PRKDC: variants seen among roughly 807,000 people sequenced by gnomAD.
PRKDC encodes protein kinase, DNA-activated, catalytic subunit.
A neutral mutation model predicts 486.9 loss-of-function variants in PRKDC; 82 were observed. The ratio of observed to expected loss-of-function variants is 0.17; its 90% CI spans 0.14 to 0.20. The LOEUF (loss-of-function observed/expected upper bound fraction) is 0.20. Among genes scored for constraint, PRKDC ranks in the 10% least tolerant of loss-of-function variants. The pLI is 1.00. For synonymous variants in PRKDC, 1,895 were observed against 1,837.0 expected (o/e 1.03, Z -0.81); for missense variants, 4,504 against 5,038.2 (o/e 0.89, Z 3.21).
rs368261679 is a variant in PRKDC, at chr8:47,888,632, G to A, written c.4299C>T (p.Ala1433=). ...GCGCGTCAGGGCCATACAAGTTGAC[G>A]GCACAAAGCTCCTCAATGCTGGCCA... The part of the protein sequence containing the change: ...ITAQSIEELC[A]VNLYGPDAQV... The change falls in exon 34 of 86, where the codon GCC becomes GCT. Residue 1433 remains alanine (A), a synonymous_variant. Transcript: ENST00000314191. 90 of 1,589,664 alleles carry A rather than the reference G, an allele frequency of 5.7e-5. No homozygotes were observed. Among genetic ancestry groups the A allele is most frequent in the Non-Finnish European group, 6.8e-5 (80 of 1,168,730 alleles).
At chr8:47,820,357 A>T (rs1157159239) in intron 66 of PRKDC, among the ~76,000 whole-genome samples, 1 of 152,188 alleles carries the variant, frequency 6.6e-6, no homozygotes, top group Non-Finnish European at 1.5e-5. Context: ...TGTCTAGGCG[A>T]CAAAAGAGAA....
chr8:47,776,748 G>A, intron 85 of PRKDC, 96 bp downstream of exon 85: 1 of 1,439,548 alleles, frequency 6.9e-7, no homozygotes, highest in Non-Finnish European at 9.5e-7. Context: ...TGCTAACAGA[G>A]TGTCAAGAGC....
intron 57 of PRKDC, 30 bp from the exon 58 acceptor site, chr8:47,836,557 A>C (rs55657802): frequency 6.5e-7 from 1 of 1,531,098 alleles, no homozygotes; most frequent in African/African-American, 1.4e-5. Context: ...AAATGAAATA[A>C]AGTTTCAAAT....
At chr8:47,839,001 CT>C in intron 56 of PRKDC, 146 bp downstream of exon 56, 1 of 640,198 alleles carries the variant, frequency 1.6e-6, no homozygotes, top group Non-Finnish European at 2.7e-6. Context: ...CTTTAAAATA[CT>C]CTTTTACTAA....
rs550257145 is a variant in PRKDC at position 47,808,539 on chromosome 8, A to T, written c.9558-1213T>A. Among the ~76,000 whole-genome samples, 202 of 152,108 alleles carry T rather than the reference A, an allele frequency of 1.3e-3. 2 individuals are homozygous for T. Among genetic ancestry groups the T allele is most frequent in the African/African-American group, 4.6e-3 (192 of 41,510 alleles). Reference sequence around the variant, plus strand: ...AGTGCAGTAGTTATTCACAGATGTAATCATAGCACACTACAGCCTTGAATT... The same window carrying T: ...AGTGCAGTAGTTATTCACAGATGTATTCATAGCACACTACAGCCTTGAATT... On this transcript the variant is annotated intron_variant, in intron 68 of 85. Coordinates refer to ENST00000314191, the MANE Select transcript of PRKDC (RefSeq NM_006904.7).
At chr8:47,841,597 G>C (rs1055417115) in intron 54 of PRKDC, among the ~76,000 whole-genome samples, 6 of 152,226 alleles carry the variant, frequency 3.9e-5, no homozygotes, top group African/African-American at 1.4e-4. Context: ...CAGGGTCTAA[G>C]CACATCGTTC....
chr8:47,880,780 G>A (rs2089196565), intron 38 of PRKDC, among the ~76,000 whole-genome samples: 2 of 152,140 alleles, frequency 1.3e-5, no homozygotes, highest in African/African-American at 4.8e-5. Context: ...TAGGCCGGGT[G>A]TGGTGGCTCA....
intron 60 of PRKDC, 99 bp downstream of exon 60, chr8:47,831,715 G>A: frequency 7.8e-7 from 1 of 1,289,938 alleles, no homozygotes; most frequent in Non-Finnish European, 1.1e-6. Flanking sequence ...GTTTGCAGGT[G>A]ACATTGGAGG....
At position 47,837,223 on chromosome 8, in the gene PRKDC, A is replaced by G. The variant is rs746648336; in HGVS notation, c.7750T>C (p.Cys2584Arg). Residue 2584 changes from cysteine (C) to arginine (R), a missense_variant, in exon 57 of 86, where the codon TGC (cysteine) becomes CGC (arginine). Around this residue, in one of 6 missense-constraint regions of PRKDC, gnomAD observed 1,592 missense variants for 1,724.6 expected, o/e 0.92. Transcript: ENST00000314191. ...NPMFEHPLSECEFQEYTIDSD... is the reference protein window; with the variant it reads ...NPMFEHPLSEREFQEYTIDSD... ...GAAGACCACATTACCTGAAATTCGC[A>G]TTCTGACAGAGGATGCTCGAACATG... is the stretch of plus-strand genomic sequence containing the variant. 76 of 1,613,194 alleles carry G rather than the reference A, an allele frequency of 4.7e-5. No homozygotes were observed. The highest frequency in any genetic ancestry group is 5.9e-5 in the Non-Finnish European group (70 of 1,179,396).
intron 38 of PRKDC, among the ~76,000 whole-genome samples, chr8:47,880,006 T>G (rs1288947353): frequency 6.6e-6 from 1 of 152,026 alleles, no homozygotes; most frequent in East Asian, 1.9e-4. Context: ...CCACTATGCC[T>G]GGCTAATTCT....
chr8:47,946,328 CCT>C (rs1157291020), intron 7 of PRKDC, among the ~76,000 whole-genome samples: 5 of 151,968 alleles, frequency 3.3e-5, no homozygotes, highest in East Asian at 3.9e-4. Context: ...AAAAAAAACC[CCT>C]CTCTTACCCC....
chr8:47,831,936 G>C lies in PRKDC; in HGVS notation c.8153-10C>G, dbSNP rs1309929519. ...GTCCGGCCGGCCGCACCTGGAGAGG[G>C]AAAGCAGGCCCAGTTACTCCCCGCC... On this transcript the variant is annotated splice_polypyrimidine_tract_variant and intron_variant, in intron 59 of 85. Coordinates refer to ENST00000314191, the MANE Select transcript of PRKDC (RefSeq NM_006904.7). 1.2e-6 allele frequency: 2 copies of C among 1,607,446 alleles called. No homozygotes were observed. Among genetic ancestry groups the C allele is most frequent in the Non-Finnish European group, 8.5e-7 (1 of 1,174,752 alleles).
At chr8:47,866,641 A>C (rs761868275) in intron 40 of PRKDC, among the ~76,000 whole-genome samples, 7 of 152,174 alleles carry the variant, frequency 4.6e-5, no homozygotes, top group Non-Finnish European at 8.8e-5. Flanking sequence ...ACAAAGGGAA[A>C]CCCTTTCTCA....
intron 52 of PRKDC, among the ~76,000 whole-genome samples, chr8:47,852,369 C>G (rs2088428238): frequency 6.6e-6 from 1 of 152,166 alleles, no homozygotes; most frequent in Admixed American, 6.5e-5. Flanking sequence ...CAAGGAAATC[C>G]TGAGACCAAG....
At chr8:47,836,226 T>A in intron 58 of PRKDC, 112 bp downstream of exon 58, 1 of 1,117,668 alleles carries the variant, frequency 8.9e-7, no homozygotes, top group Non-Finnish European at 1.2e-6. Flanking sequence ...TTCTTAACGC[T>A]TTTTGCTATT....
At chr8:47,924,324 C>T (rs564510050) in intron 21 of PRKDC, among the ~76,000 whole-genome samples, 20 of 152,056 alleles carry the variant, frequency 1.3e-4, no homozygotes, top group African/African-American at 4.3e-4. Flanking sequence ...TTTGGGAGGC[C>T]GAGGTGGGCA....
chr8:47,805,620 C>T (rs767081954), intron 69 of PRKDC, among the ~76,000 whole-genome samples: 4 of 152,170 alleles, frequency 2.6e-5, no homozygotes, highest in African/African-American at 4.8e-5. Flanking sequence ...AGGTAAGGCA[C>T]GACAGTTTTA....
At chr8:47,950,715 A>G (rs1319300332) in intron 7 of PRKDC, among the ~76,000 whole-genome samples, 1 of 152,008 alleles carries the variant, frequency 6.6e-6, no homozygotes, top group East Asian at 1.9e-4. Context: ...CAGGCGTGGC[A>G]GGTCATGCCT....
At chr8:47,952,561 A>G (rs1387780709) in intron 7 of PRKDC, among the ~76,000 whole-genome samples, 2 of 152,218 alleles carry the variant, frequency 1.3e-5, no homozygotes, top group African/African-American at 4.8e-5. Context: ...ACGTGACAGA[A>G]TTACACAAAA....
Sources: gnomAD v4.1 joint callset for allele counts (sites outside exome capture counted in the v4.1 genomes callset) on GRCh38, gnomAD v4.1.1 for gene constraint, gnomAD v4.1.1 regional missense constraint, MANE v1.5 for transcripts, NCBI Gene and HGNC (gene_info 2026-07-23, HGNC 2026-07-21) for gene names.